Variants in RASSF3 observed in about 807,000 individuals in gnomAD.
RASSF3 encodes the protein ras association domain-containing protein 3.
A neutral mutation model predicts 19.9 loss-of-function variants in RASSF3; 19 were observed. That is an observed-to-expected ratio of 0.96 (90% CI 0.67 to 1.40). The LOEUF (loss-of-function observed/expected upper bound fraction) is 1.40, where lower values mean the gene tolerates loss of function less well. Ranked by LOEUF, RASSF3 falls within the 40% of genes most tolerant of loss-of-function variation. The pLI is 0.00. For synonymous variants in RASSF3, 110 were observed against 104.2 expected, an observed-to-expected ratio of 1.06 and a Z score of -0.34; for missense variants, 306 against 289.8, an observed-to-expected ratio of 1.06 and a Z score of -0.41.
intron 1 of RASSF3, among the ~76,000 whole-genome samples, chr12:64,613,118 A>G (rs1418666724): frequency 6.6e-6 from 1 of 152,224 alleles, no homozygotes; most frequent in Non-Finnish European, 1.5e-5. Flanking sequence ...AATTCCTGGT[A>G]AGATTGGTGA....
chr12:64,671,336 G>A (rs1303500830), intron 1 of RASSF3, among the ~76,000 whole-genome samples: 1 of 152,176 alleles, frequency 6.6e-6, no homozygotes, highest in Non-Finnish European at 1.5e-5. Flanking sequence ...TGGGCCAGGG[G>A]CACTGGACCC....
At chr12:64,669,058 A>G (rs1190146152) in intron 1 of RASSF3, among the ~76,000 whole-genome samples, 1 of 152,160 alleles carries the variant, frequency 6.6e-6, no homozygotes, top group Non-Finnish European at 1.5e-5. Context: ...CAAACCCTAG[A>G]AAAACTTGGG....
At position 64,548,306 on chromosome 12, in the gene RASSF3, G is replaced by C. The variant is rs907632153; in HGVS notation, c.294+6601G>C. Among the ~76,000 whole-genome samples, 67 of 151,986 alleles carry C rather than the reference G, an allele frequency of 4.4e-4. 1 individual carries two copies. Among genetic ancestry groups the C allele is most frequent in the Admixed American group, 4.4e-3 (67 of 15,224 alleles). On this transcript the variant is annotated intron_variant, in intron 2 of 5. Transcript: ENST00000637125. Reference sequence around the variant, plus strand: ...GGGATCCTCAGCCTCCCAAGTAGCTGGGACCATGGGCAGGCACCATCATGC... The same window carrying C: ...GGGATCCTCAGCCTCCCAAGTAGCTCGGACCATGGGCAGGCACCATCATGC...
downstream of RASSF3, among the ~76,000 whole-genome samples, chr12:64,543,894 T>C (rs946401913): frequency 2.0e-5 from 3 of 151,966 alleles, no homozygotes; most frequent in Non-Finnish European, 2.9e-5. Context: ...AGTGGGGACA[T>C]GGAGAACTTT....
chr12:64,661,777 G>A (rs1204441013), intron 1 of RASSF3, among the ~76,000 whole-genome samples: 1 of 147,066 alleles, frequency 6.8e-6, no homozygotes, highest in Admixed American at 6.9e-5. Flanking sequence ...CACCTCCTGG[G>A]TTCAAACAAT....
chr12:64,594,662 G>A lies in RASSF3; in HGVS notation c.294+52957G>A, dbSNP rs531236610. Reference sequence around the variant, plus strand: ...CACTTTGGTATAGCGATTATTTTGCGCTGAAGGCAATAGAGAAACAGCAGA... The same window carrying A: ...CACTTTGGTATAGCGATTATTTTGCACTGAAGGCAATAGAGAAACAGCAGA... On this transcript the variant is annotated intron_variant, in intron 2 of 5. Transcript: ENST00000637125. Among the ~76,000 whole-genome samples the A allele has an allele frequency of 5.9e-5, 9 of 152,182 alleles. No homozygotes were observed. The South Asian group carries it at 1.0e-3, about 18-fold the overall frequency.
intron 1 of RASSF3, among the ~76,000 whole-genome samples, chr12:64,636,964 A>G (rs1490736240): frequency 1.3e-5 from 2 of 152,112 alleles, no homozygotes; most frequent in Non-Finnish European, 1.5e-5. Context: ...AATGCACAGA[A>G]CTTTGTACTA....
chr12:64,558,276 G>A (rs1009665665), intron 2 of RASSF3, among the ~76,000 whole-genome samples: 4 of 152,192 alleles, frequency 2.6e-5, no homozygotes, highest in Non-Finnish European at 5.9e-5. Flanking sequence ...TGCCCATGGT[G>A]CCTGTTGTGG....
chr12:64,631,507 G>A (rs781563487), intron 1 of RASSF3, among the ~76,000 whole-genome samples: 13 of 152,098 alleles, frequency 8.5e-5, no homozygotes, highest in Non-Finnish European at 1.9e-4. Flanking sequence ...AAGGGCGAGG[G>A]AAGTGGTAAG....
At chr12:64,543,441 CGTG>C (rs1565836103), downstream of RASSF3, among the ~76,000 whole-genome samples, 25 of 43,352 alleles carry the variant, frequency 5.8e-4, no homozygotes, top group Admixed American at 1.5e-3. Context: ...CCGCCCCCCC[CGTG>C]CCCGCCCGCC....
At chr12:64,521,065 A>C (rs913103484) in intron 1 of RASSF3, among the ~76,000 whole-genome samples, 1 of 152,138 alleles carries the variant, frequency 6.6e-6, no homozygotes, top group Non-Finnish European at 1.5e-5. Flanking sequence ...GGGGTACCTC[A>C]ACTAGTGCAC....
At chr12:64,595,741 C>T (rs1242339386) in intron 2 of RASSF3, among the ~76,000 whole-genome samples, 1 of 152,114 alleles carries the variant, frequency 6.6e-6, no homozygotes, top group Non-Finnish European at 1.5e-5. Flanking sequence ...ACTATTAGGG[C>T]TCATAAAACA....
chr12:64,625,675 T>G (rs749743774), intron 1 of RASSF3, among the ~76,000 whole-genome samples: 1 of 152,214 alleles, frequency 6.6e-6, no homozygotes, highest in African/African-American at 2.4e-5. Context: ...GCAAACTGTA[T>G]AACGTGCTGC....
chr12:64,646,219 A>G (rs1050225443), intron 1 of RASSF3, among the ~76,000 whole-genome samples: 1 of 152,108 alleles, frequency 6.6e-6, no homozygotes, highest in East Asian at 1.9e-4. Flanking sequence ...TTTCTTGGCT[A>G]TATATATACC....
chr12:64,576,454 G>C (rs1869597304), intron 2 of RASSF3, among the ~76,000 whole-genome samples: 1 of 152,164 alleles, frequency 6.6e-6, no homozygotes, highest in Non-Finnish European at 1.5e-5. Flanking sequence ...TATCACAAGA[G>C]AATATCTCTA....
intron 2 of RASSF3, among the ~76,000 whole-genome samples, chr12:64,687,887 C>G (rs571305207): frequency 6.6e-6 from 1 of 152,232 alleles, no homozygotes; most frequent in African/African-American, 2.4e-5. Context: ...GCATCTGCTC[C>G]GTTGGATTGT....
At chr12:64,604,161 C>A (rs1371070204) in intron 2 of RASSF3, among the ~76,000 whole-genome samples, 13 of 150,812 alleles carry the variant, frequency 8.6e-5, no homozygotes, top group South Asian at 2.1e-4. Flanking sequence ...GGTTTGACTC[C>A]GTTGCCCAGG....
At chr12:64,694,612 C>T in intron 4 of RASSF3, 151 bp from the exon 5 acceptor site, 1 of 768,270 alleles carries the variant, frequency 1.3e-6, no homozygotes, top group Non-Finnish European at 2.1e-6. Context: ...AGCCCTTAGG[C>T]TGGCAACACC....
chr12:64,626,009 C>G (rs920773060), intron 1 of RASSF3, among the ~76,000 whole-genome samples: 1 of 152,108 alleles, frequency 6.6e-6, no homozygotes, highest in African/African-American at 2.4e-5. Context: ...CTCTCCACCC[C>G]CAACCTCCCC....
Sources: allele counts gnomAD v4.1 joint callset (sites outside exome capture counted in the v4.1 genomes callset), GRCh38; gene constraint gnomAD v4.1.1; transcripts MANE v1.5; gene names NCBI Gene and HGNC (gene_info 2026-07-23, HGNC 2026-07-21).